RWDD4: variants seen among roughly 807,000 people sequenced by gnomAD.
RWDD4 encodes the protein RWD domain containing 4.
Under a neutral mutation model 30.0 loss-of-function variants are expected in RWDD4, and 16 were observed. The ratio of observed to expected loss-of-function variants is 0.53; its 90% CI spans 0.36 to 0.81. The LOEUF is 0.81. RWDD4 is among the 30% of genes least tolerant of loss of function. The pLI is 0.00. For synonymous variants in RWDD4, 45 were observed against 72.1 expected, an observed-to-expected ratio of 0.62 and a Z score of 1.90; for missense variants, 170 against 223.9, an observed-to-expected ratio of 0.76 and a Z score of 1.54.
intron 7 of RWDD4, among the ~76,000 whole-genome samples, chr4:183,642,733 C>G (rs1733883398): frequency 6.6e-6 from 1 of 152,056 alleles, no homozygotes; most frequent in Non-Finnish European, 1.5e-5. Flanking sequence ...AAATGTCATG[C>G]AGCCTCTGGA....
chr4:183,642,240 A>G (rs6850307), intron 7 of RWDD4, among the ~76,000 whole-genome samples: 1 of 87,746 alleles, frequency 1.1e-5, no homozygotes, highest in Admixed American at 1.0e-4. Flanking sequence ...CCCAGGCTGG[A>G]GTGCAGTGGC....
chr4:183,657,281 C>T (rs10026712), intron 1 of RWDD4, among the ~76,000 whole-genome samples: 50,758 of 151,898 alleles, frequency 0.33, 8,488 homozygotes, highest in Middle Eastern at 0.43. Flanking sequence ...AAATTCAAGC[C>T]GGATTCAAGA....
Position 183,646,485 on chromosome 4 carries a change from T to TA in RWDD4, c.531+2dup, listed in dbSNP as rs1326983324. The TA allele has an allele frequency of 1.9e-6, 3 of 1,611,746 alleles. No homozygotes were observed. Among genetic ancestry groups the TA allele is most frequent in the Non-Finnish European group, 2.5e-6 (3 of 1,179,342 alleles). On this transcript the variant is annotated splice_region_variant and intron_variant, in intron 6 of 7. Transcript: ENST00000326397. ...TAAAGACTAGAATATAAATGTTATATACCTTCACAACATCAACCCAGTTCC... is the reference window on the plus strand; with the variant it reads ...TAAAGACTAGAATATAAATGTTATATAACCTTCACAACATCAACCCAGTTCC...
At chr4:183,641,682 A>G (rs1305976786) in intron 7 of RWDD4, among the ~76,000 whole-genome samples, 1 of 152,180 alleles carries the variant, frequency 6.6e-6, no homozygotes, top group East Asian at 1.9e-4. Context: ...CAACAGAACA[A>G]GGTGGTGTGT....
Position 183,640,044 on chromosome 4 carries a change from G to A in RWDD4, c.*1392C>T, listed in dbSNP as rs1178989492. Reference sequence around the variant, plus strand: ...AAACATAAGTTGCCATATTCCAGTGGTCCTGAATTTTAACATGTTTTGCTC... The same window carrying A: ...AAACATAAGTTGCCATATTCCAGTGATCCTGAATTTTAACATGTTTTGCTC... On this transcript the variant is annotated 3_prime_UTR_variant, in exon 8 of 8. Coordinates refer to ENST00000326397, the MANE Select transcript of RWDD4 (RefSeq NM_152682.4). 1 of 151,680 alleles carries A rather than the reference G, an allele frequency of 6.6e-6. No individual in the cohort carries two copies. Among genetic ancestry groups the A allele is most frequent in the African/African-American group, 2.4e-5 (1 of 41,262 alleles). 9.4% of individuals were successfully genotyped at this position (151,680 alleles called of 1,614,324 possible). A position where few individuals can be genotyped will look rare whatever the true frequency, so the allele number is the denominator to read the frequency against.
At chr4:183,642,340 C>T (rs1274924613) in intron 7 of RWDD4, among the ~76,000 whole-genome samples, 1 of 124,592 alleles carries the variant, frequency 8.0e-6, no homozygotes, top group African/African-American at 3.7e-5. Flanking sequence ...CAGGCGCCCG[C>T]TACCACGCCC....
chr4:183,648,448 TAAAGA>T (rs1734008033), intron 5 of RWDD4, among the ~76,000 whole-genome samples: 1 of 152,046 alleles, frequency 6.6e-6, no homozygotes, highest in East Asian at 1.9e-4. Context: ...TCAGGTTAAA[TAAAGA>T]AAAGCAATCA....
intron 5 of RWDD4, among the ~76,000 whole-genome samples, chr4:183,647,550 G>C (rs9997619): frequency 0.59 from 89,969 of 151,946 alleles, 27,497 homozygotes; most frequent in African/African-American, 0.74. Flanking sequence ...TCACAAACTC[G>C]TATACTGTCA....
chr4:183,646,346 C>T lies in RWDD4; in HGVS notation c.534+5G>A, dbSNP rs1733965736. The T allele has an allele frequency of 3.0e-6, 3 of 1,006,202 alleles. No homozygotes were observed. The highest frequency in any genetic ancestry group is 1.6e-5 in the African/African-American group (1 of 62,646). The allele number at this position is 1,006,202 out of a possible 1,614,324, so 62.3% of individuals were successfully genotyped here. A position where few individuals can be genotyped will look rare whatever the true frequency, so the allele number is the denominator to read the frequency against. On this transcript the variant is annotated splice_donor_5th_base_variant and intron_variant, in intron 7 of 7. Transcript: ENST00000326397. ...GAATGTAAAAGGTATTTCAAAAATA[C>T]TTACATGCTGAATGTAAAAAAGGAA...
chr4:183,643,625 T>C (rs771126173), intron 7 of RWDD4, among the ~76,000 whole-genome samples: 10 of 150,674 alleles, frequency 6.6e-5, no homozygotes, highest in Admixed American at 2.0e-4. Flanking sequence ...CTTAAAAATA[T>C]CTTCTTTCGG....
At chr4:183,646,829 C>T (rs1049386446) in intron 5 of RWDD4, among the ~76,000 whole-genome samples, 1 of 152,110 alleles carries the variant, frequency 6.6e-6, no homozygotes, top group African/African-American at 2.4e-5. Context: ...AGCAGTTAAT[C>T]CATTTATTAG....
chr4:183,658,668 G>A (rs530804591), intron 1 of RWDD4, among the ~76,000 whole-genome samples: 1 of 152,360 alleles, frequency 6.6e-6, no homozygotes, highest in South Asian at 2.1e-4. Flanking sequence ...GTGCACCAAG[G>A]ACGCTCATCC....
chr4:183,657,244 G>GA (rs1296063403), intron 1 of RWDD4, among the ~76,000 whole-genome samples: 2 of 151,176 alleles, frequency 1.3e-5, no homozygotes, highest in Non-Finnish European at 3.0e-5. Context: ...TACCTTTACA[G>GA]AAAAAACAAA....
rs1268825945 is a variant in RWDD4 at position 183,659,158 on chromosome 4, G to T, written c.-206C>A. 1 of 405,728 alleles carries T rather than the reference G, an allele frequency of 2.5e-6. No individual in the cohort carries two copies. The highest frequency in any genetic ancestry group is 4.3e-6 in the Non-Finnish European group (1 of 234,058). The allele number at this position is 405,728 out of a possible 1,614,324, so 25.1% of individuals were successfully genotyped here. A position where few individuals can be genotyped will look rare whatever the true frequency, so the allele number is the denominator to read the frequency against. On this transcript the variant is annotated 5_prime_UTR_variant, in exon 1 of 8. Transcript: ENST00000326397. The stretch of plus-strand genomic sequence containing the variant: ...GCAGTGGGCTGTGGGCTACGAGCCG[G>T]AGCCGCGGCTGGTGGGGCCTGGGAA...
chr4:183,645,992 T>G (rs1193444259), intron 7 of RWDD4, among the ~76,000 whole-genome samples: 1 of 152,174 alleles, frequency 6.6e-6, no homozygotes, highest in Admixed American at 6.5e-5. Context: ...AACCTCCGCC[T>G]CCTGGGTTCA....
At chr4:183,648,410 T>G (rs1734006877) in intron 5 of RWDD4, among the ~76,000 whole-genome samples, 1 of 152,172 alleles carries the variant, frequency 6.6e-6, no homozygotes, top group South Asian at 2.1e-4. Flanking sequence ...GTGAAAAAGT[T>G]TACAGACTGT....
chr4:183,655,931 CATAA>C lies in RWDD4; in HGVS notation c.51_54del (p.Ile17MetfsTer10). 6.2e-7 allele frequency: 1 copy of C among 1,611,660 alleles called. No homozygotes were observed. The highest frequency in any genetic ancestry group is 1.3e-5 in the African/African-American group (1 of 74,986). On this transcript the variant is annotated frameshift_variant, in exon 2 of 8. Transcript: ENST00000326397. LOFTEE classifies it high-confidence loss of function. Reference sequence around the variant, plus strand: ...AATTCCCGGAAACTTTCATCTCCTTCATAAATAGAGCGTAATGCTTCTAGTTCCA... The same window carrying C: ...AATTCCCGGAAACTTTCATCTCCTTCATAGAGCGTAATGCTTCTAGTTCCA...
chr4:183,648,795 T>G (rs369321960), intron 5 of RWDD4, among the ~76,000 whole-genome samples: 24 of 151,586 alleles, frequency 1.6e-4, no homozygotes, highest in African/African-American at 5.8e-4. Flanking sequence ...CTCGGTTACC[T>G]TTTTTTTTCA....
chr4:183,652,391 C>T (rs1369669940), intron 2 of RWDD4, among the ~76,000 whole-genome samples: 1 of 124,298 alleles, frequency 8.0e-6, no homozygotes, highest in Non-Finnish European at 1.6e-5. Flanking sequence ...GACAGGGTCT[C>T]ACTCCATTGC....
Sources: allele counts gnomAD v4.1 joint callset (sites outside exome capture counted in the v4.1 genomes callset), GRCh38; gene constraint gnomAD v4.1.1; transcripts MANE v1.5; gene names NCBI Gene and HGNC (gene_info 2026-07-23, HGNC 2026-07-21).